The following NRG3 variants were observed in gnomAD, a reference collection of about 807,000 sequenced individuals.
NRG3 encodes pro-neuregulin-3, membrane-bound isoform.
Under a neutral mutation model 66.9 loss-of-function variants are expected in NRG3, and 31 were observed. The observed-to-expected ratio is 0.46, with a 90% CI of 0.35 to 0.63. The LOEUF (loss-of-function observed/expected upper bound fraction) is 0.63, where lower values mean the gene tolerates loss of function less well. Ranked by LOEUF, NRG3 falls within the 20% of genes least tolerant of loss-of-function variation. The pLI, the probability that NRG3 is intolerant of heterozygous loss-of-function variation, is 0.00. For missense variants in NRG3, 910 were observed against 878.9 expected (o/e 1.04, Z -0.45); for synonymous variants, 393 against 359.4 (o/e 1.09, Z -1.06).
intron 2 of NRG3, among the ~76,000 whole-genome samples, chr10:82,683,243 C>A (rs972297567): frequency 6.6e-6 from 1 of 152,106 alleles, no homozygotes; most frequent in Non-Finnish European, 1.5e-5. Context: ...GCGTGAGCCA[C>A]TGTGCCCGGC....
At chr10:82,169,566 G>T (rs562299383) in intron 1 of NRG3, among the ~76,000 whole-genome samples, 1 of 151,250 alleles carries the variant, frequency 6.6e-6, no homozygotes, top group East Asian at 1.9e-4. Flanking sequence ...TCTGTAAAAT[G>T]AATTTTGCTT....
chr10:82,023,550 A>T (rs2062158854), intron 1 of NRG3, among the ~76,000 whole-genome samples: 1 of 152,018 alleles, frequency 6.6e-6, no homozygotes, highest in African/African-American at 2.4e-5. Context: ...CAATTTGTTG[A>T]GAGTTTTCAT....
chr10:82,625,642 T>C (rs1338500811), intron 2 of NRG3, among the ~76,000 whole-genome samples: 10 of 152,152 alleles, frequency 6.6e-5, no homozygotes, highest in Non-Finnish European at 1.2e-4. Flanking sequence ...ATGTAAATGG[T>C]AGAGTTCTGA....
At chr10:82,602,435 A>G (rs916014825) in intron 2 of NRG3, among the ~76,000 whole-genome samples, 6 of 152,028 alleles carry the variant, frequency 3.9e-5, no homozygotes, top group African/African-American at 1.4e-4. Flanking sequence ...CTCTACTTAT[A>G]GTATGAGTGG....
At chr10:82,017,589 C>T (rs1589797022) in intron 1 of NRG3, among the ~76,000 whole-genome samples, 3 of 152,068 alleles carry the variant, frequency 2.0e-5, no homozygotes, top group Admixed American at 6.5e-5. Flanking sequence ...TCCACATCCT[C>T]TCCAGCACCT....
chr10:82,629,758 A>G (rs1239154961), intron 2 of NRG3, among the ~76,000 whole-genome samples: 1 of 152,170 alleles, frequency 6.6e-6, no homozygotes. Context: ...ATTCCATTAT[A>G]CTTCAGGACT....
At chr10:82,321,016 C>A (rs1403606137) in intron 1 of NRG3, among the ~76,000 whole-genome samples, 2 of 152,188 alleles carry the variant, frequency 1.3e-5, no homozygotes, top group African/African-American at 4.8e-5. Flanking sequence ...TCCATGTCAC[C>A]TGATTCTTTC....
rs142314606 is a variant in NRG3 at position 82,650,365 on chromosome 10, T to TA, written c.954-88207dup. 5.4e-3 allele frequency among the ~76,000 whole-genome samples: 819 copies of TA among 152,332 alleles called. 5 individuals are homozygous for TA. The highest frequency in any genetic ancestry group is 0.018 in the African/African-American group (763 of 41,574). On this transcript the variant is annotated intron_variant, in intron 2 of 8. Transcript: ENST00000372141. Reference sequence around the variant, plus strand: ...TCCTCCCAGCGAGCTATTAATTCTCTAAAAATGTTTTGGTACTTAATATGC... The same window carrying TA: ...TCCTCCCAGCGAGCTATTAATTCTCTAAAAAATGTTTTGGTACTTAATATGC...
chr10:82,013,528 A>G (rs977032355), intron 1 of NRG3, among the ~76,000 whole-genome samples: 1 of 152,200 alleles, frequency 6.6e-6, no homozygotes, highest in African/African-American at 2.4e-5. Flanking sequence ...GTTCATTTAC[A>G]TATGAATTTT....
intron 6 of NRG3, among the ~76,000 whole-genome samples, chr10:82,960,811 C>A (rs910365011): frequency 4.6e-5 from 7 of 152,054 alleles, no homozygotes; most frequent in African/African-American, 1.4e-4. Context: ...GTGACCCCCA[C>A]CCCTGCCCAC....
chr10:82,005,923 G>A (rs1179580256), intron 1 of NRG3, among the ~76,000 whole-genome samples: 1 of 151,318 alleles, frequency 6.6e-6, no homozygotes, highest in Non-Finnish European at 1.5e-5. Context: ...GTGTGTGTGT[G>A]AATCACCTTT....
At chr10:82,362,079 CAAAAAAAAAAAAAAA>C (rs58975630) in intron 2 of NRG3, among the ~76,000 whole-genome samples, 15 of 13,932 alleles carry the variant, frequency 1.1e-3, no homozygotes, top group South Asian at 5.5e-3. Flanking sequence ...AAAGTACATG[CAAAAAAAAAAAAAAA>C]AAAAAAAAAA....
At chr10:82,605,608 C>A (rs1242814453) in intron 2 of NRG3, among the ~76,000 whole-genome samples, 1 of 151,818 alleles carries the variant, frequency 6.6e-6, no homozygotes, top group Non-Finnish European at 1.5e-5. Flanking sequence ...AGAAAGTATT[C>A]CTTTTGCTTC....
intron 2 of NRG3, among the ~76,000 whole-genome samples, chr10:82,630,699 A>G (rs976424988): frequency 9.2e-5 from 14 of 152,106 alleles, no homozygotes; most frequent in Non-Finnish European, 1.8e-4. Context: ...TTAAGTTGAA[A>G]TAGTTTTAAT....
At chr10:82,849,489 G>T (rs991223633) in intron 3 of NRG3, among the ~76,000 whole-genome samples, 3 of 152,180 alleles carry the variant, frequency 2.0e-5, no homozygotes, top group African/African-American at 4.8e-5. Context: ...AGCAGAAAAG[G>T]AAATAGAAAA....
intron 3 of NRG3, among the ~76,000 whole-genome samples, chr10:82,750,864 T>C (rs1190210145): frequency 6.6e-6 from 1 of 152,160 alleles, no homozygotes; most frequent in Non-Finnish European, 1.5e-5. Context: ...TTCTCCATCA[T>C]TTATTGAAAT....
chr10:82,789,078 A>G (rs2060482942), intron 3 of NRG3, among the ~76,000 whole-genome samples: 1 of 152,092 alleles, frequency 6.6e-6, no homozygotes, highest in Non-Finnish European at 1.5e-5. Context: ...CATGTTTATC[A>G]TTTTGAAGAA....
intron 1 of NRG3, among the ~76,000 whole-genome samples, chr10:81,948,727 A>T (rs1849069010): frequency 6.6e-6 from 1 of 152,236 alleles, no homozygotes; most frequent in South Asian, 2.1e-4. Flanking sequence ...GTGTGAAGTT[A>T]GAGGGCAACC....
At chr10:82,124,615 T>G (rs1335946707) in intron 1 of NRG3, among the ~76,000 whole-genome samples, 1 of 151,356 alleles carries the variant, frequency 6.6e-6, no homozygotes, top group Admixed American at 6.6e-5. Flanking sequence ...ACCTAATGCA[T>G]GAGGGGCTTA....
Sources: gnomAD v4.1 joint callset for allele counts (sites outside exome capture counted in the v4.1 genomes callset) on GRCh38, gnomAD v4.1.1 for gene constraint, MANE v1.5 for transcripts, NCBI Gene and HGNC (gene_info 2026-07-23, HGNC 2026-07-21) for gene names.